The following PKIB variants were observed in gnomAD, a reference collection of about 807,000 sequenced individuals.
The protein encoded by PKIB is PKI-beta.
In PKIB, 2 loss-of-function variants were observed where a neutral mutation model predicts 4.5. That is an observed-to-expected ratio of 0.44 (90% CI 0.18 to 1.39). PKIB has a LOEUF of 1.39. PKIB is among the 40% of genes most tolerant of loss of function. The pLI, the probability that PKIB is intolerant of heterozygous loss-of-function variation, is 0.27. For synonymous variants in PKIB, 38 were observed against 36.0 expected (o/e 1.06, Z -0.20); for missense variants, 94 against 92.6 (o/e 1.02, Z -0.06).
intron 3 of PKIB, among the ~76,000 whole-genome samples, chr6:122,587,453 T>A (rs1460309123): frequency 6.6e-6 from 1 of 152,160 alleles, no homozygotes; most frequent in Non-Finnish European, 1.5e-5. Flanking sequence ...TGGTTTCAAG[T>A]CTTTGCTATT....
intron 2 of PKIB, among the ~76,000 whole-genome samples, chr6:122,660,443 A>T (rs1476240078): frequency 6.6e-6 from 1 of 152,186 alleles, no homozygotes; most frequent in Non-Finnish European, 1.5e-5. Context: ...CAAACTGATC[A>T]TGCTGTAGCC....
rs189027761 is a variant in PKIB, at chr6:122,555,137, G to C, written c.-247-30784G>C. On this transcript the variant is annotated intron_variant, in intron 2 of 6. Coordinates refer to the PKIB transcript ENST00000392491. ...TATTAGTTATGAACTATGTGCTGGG[G>C]GTAACCTAGAGATGGGACTGATCCA... Among the ~76,000 whole-genome samples the C allele has an allele frequency of 3.5e-3, 528 of 152,268 alleles. 3 individuals carry two copies. Among genetic ancestry groups the C allele is most frequent in the African/African-American group, 0.011 (466 of 41,554 alleles).
chr6:122,533,971 T>A (rs1374035890), intron 2 of PKIB, among the ~76,000 whole-genome samples: 1 of 151,892 alleles, frequency 6.6e-6, no homozygotes, highest in Non-Finnish European at 1.5e-5. Flanking sequence ...GCTTATCACA[T>A]CTTGTATTTT....
At chr6:122,623,889 T>C (rs1232264757) in intron 1 of PKIB, among the ~76,000 whole-genome samples, 2 of 152,310 alleles carry the variant, frequency 1.3e-5, no homozygotes, top group African/African-American at 4.8e-5. Context: ...GCAATCTGTT[T>C]ATCTTTCTTG....
chr6:122,552,687 C>A (rs1218707842), intron 2 of PKIB, among the ~76,000 whole-genome samples: 1 of 152,158 alleles, frequency 6.6e-6, no homozygotes, highest in African/African-American at 2.4e-5. Flanking sequence ...CCATCTCAGG[C>A]AGTTCTAAAA....
chr6:122,584,919 C>T (rs907153406), intron 2 of PKIB, among the ~76,000 whole-genome samples: 1 of 152,044 alleles, frequency 6.6e-6, no homozygotes, highest in African/African-American at 2.4e-5. Flanking sequence ...ACCAATGTGC[C>T]ATGTCAGTTT....
chr6:122,647,928 G>T (rs193091332), intron 2 of PKIB, among the ~76,000 whole-genome samples: 46 of 152,342 alleles, frequency 3.0e-4, no homozygotes, highest in African/African-American at 1.1e-3. Context: ...GCCATTAGCA[G>T]TCCTGTCTGA....
chr6:122,546,616 G>C (rs1772501153), intron 2 of PKIB, among the ~76,000 whole-genome samples: 1 of 151,920 alleles, frequency 6.6e-6, no homozygotes, highest in African/African-American at 2.4e-5. Flanking sequence ...GTATATAAAA[G>C]CCATAGAAAA....
chr6:122,682,485 T>A (rs1777935007), intron 3 of PKIB, among the ~76,000 whole-genome samples: 1 of 152,214 alleles, frequency 6.6e-6, no homozygotes, highest in African/African-American at 2.4e-5. Flanking sequence ...TGCTTTTTTG[T>A]TACATATATT....
At chr6:122,520,896 G>A (rs1287427284) in intron 2 of PKIB, among the ~76,000 whole-genome samples, 2 of 152,134 alleles carry the variant, frequency 1.3e-5, no homozygotes, top group Non-Finnish European at 2.9e-5. Flanking sequence ...GCATCCTACT[G>A]GTTGTGGAAG....
At chr6:122,695,001 A>G (rs1778513641) in intron 3 of PKIB, among the ~76,000 whole-genome samples, 2 of 152,214 alleles carry the variant, frequency 1.3e-5, no homozygotes, top group South Asian at 4.1e-4. Flanking sequence ...GAGGGTTCCT[A>G]CGCTGCATTC....
intron 4 of PKIB, among the ~76,000 whole-genome samples, chr6:122,719,410 G>C (rs1447300067): frequency 6.6e-6 from 1 of 152,108 alleles, no homozygotes; most frequent in African/African-American, 2.4e-5. Flanking sequence ...AATAACACCA[G>C]ATGCTAAAGA....
chr6:122,667,410 G>A (rs34431686), intron 2 of PKIB, among the ~76,000 whole-genome samples: 9,677 of 152,128 alleles, frequency 0.064, 317 homozygotes, highest in East Asian at 0.13. Flanking sequence ...GGTGGCGGGC[G>A]CCTGTAGTCC....
At chr6:122,724,421 A>G (rs1433776705) in intron 4 of PKIB, among the ~76,000 whole-genome samples, 2 of 152,056 alleles carry the variant, frequency 1.3e-5, no homozygotes, top group Non-Finnish European at 2.9e-5. Context: ...ATTAGAAGAG[A>G]CTTGCATTTG....
At chr6:122,623,168 T>C in intron 1 of PKIB, among the ~76,000 whole-genome samples, 1 of 152,236 alleles carries the variant, frequency 6.6e-6, no homozygotes, top group East Asian at 1.9e-4. Context: ...ATATTTGAGA[T>C]ATTCTTTGAA....
In PKIB at chr6:122,688,782, C is replaced by CT. The variant is rs34877015; in HGVS notation, c.-9+13654dup. 8.3e-3 allele frequency among the ~76,000 whole-genome samples: 1,157 copies of CT among 139,070 alleles called. 4 individuals are homozygous for CT. The highest frequency in any genetic ancestry group is 0.017 in the African/African-American group (649 of 37,754). The allele number at this position is 139,070 out of a possible 152,430, so 91.2% of individuals were successfully genotyped here. On this transcript the variant is annotated intron_variant, in intron 3 of 4. Transcript: ENST00000368452. ...TTATAGTAGCCACTAATGAGCCTTT[C>CT]TTTTTTTTTTTTTTTTGAGACAGAG...
intron 2 of PKIB, among the ~76,000 whole-genome samples, chr6:122,663,140 G>A (rs983158123): frequency 6.6e-6 from 1 of 152,276 alleles, no homozygotes; most frequent in African/African-American, 2.4e-5. Context: ...CACAGATCAT[G>A]AGATGACACC....
chr6:122,620,056 C>T (rs1038594455), intron 1 of PKIB, among the ~76,000 whole-genome samples: 32 of 152,090 alleles, frequency 2.1e-4, no homozygotes, highest in African/African-American at 7.7e-4. Flanking sequence ...GAGGGGGGCA[C>T]ATTCCCTTCA....
intron 2 of PKIB, among the ~76,000 whole-genome samples, chr6:122,537,143 T>C (rs1777430206): frequency 6.6e-6 from 1 of 152,114 alleles, no homozygotes; most frequent in African/African-American, 2.4e-5. Context: ...TTCTTCTTTC[T>C]GACAGAATCA....
Sources: gnomAD v4.1 joint callset for allele counts (sites outside exome capture counted in the v4.1 genomes callset) on GRCh38, gnomAD v4.1.1 for gene constraint, MANE v1.5 for transcripts, NCBI Gene and HGNC (gene_info 2026-07-23, HGNC 2026-07-21) for gene names.